The following DCDC2 variants were observed in gnomAD, a reference collection of about 807,000 sequenced individuals.
DCDC2 encodes doublecortin domain-containing protein 2.
Under a neutral mutation model 50.2 loss-of-function variants are expected in DCDC2, and 40 were observed. That is an observed-to-expected ratio of 0.80 (90% CI 0.62 to 1.04). The LOEUF is 1.04. DCDC2 is among the 50% of genes least tolerant of loss of function. The pLI is 0.00. For synonymous variants in DCDC2, 234 were observed against 210.6 expected (o/e 1.11, Z -0.96); for missense variants, 570 against 581.9 (o/e 0.98, Z 0.21).
intron 2 of DCDC2, among the ~76,000 whole-genome samples, chr6:24,331,665 A>G (rs746555788): frequency 4.6e-5 from 7 of 152,170 alleles, no homozygotes; most frequent in Non-Finnish European, 8.8e-5. Context: ...ATAATTATAT[A>G]AAGTAACTTC....
At chr6:24,278,463 T>C (rs1763407512) in intron 6 of DCDC2, among the ~76,000 whole-genome samples, 1 of 152,218 alleles carries the variant, frequency 6.6e-6, no homozygotes. Flanking sequence ...AGGTATTCTA[T>C]AAAATTGTAT....
intron 2 of DCDC2, among the ~76,000 whole-genome samples, chr6:24,310,204 C>T (rs752502468): frequency 2.6e-5 from 4 of 152,016 alleles, no homozygotes; most frequent in Non-Finnish European, 5.9e-5. Flanking sequence ...CATTATATCC[C>T]ATATAATATC....
chr6:24,198,455 G>A (rs1761497691), intron 8 of DCDC2, among the ~76,000 whole-genome samples: 1 of 152,204 alleles, frequency 6.6e-6, no homozygotes. Flanking sequence ...TGTGTCACGA[G>A]GAATGGTGCA....
intron 6 of DCDC2, among the ~76,000 whole-genome samples, chr6:24,280,027 T>C (rs1763437596): frequency 6.6e-6 from 1 of 152,242 alleles, no homozygotes; most frequent in East Asian, 1.9e-4. Flanking sequence ...ATCTGTACTA[T>C]GCTTGTGTCT....
At chr6:24,208,158 C>T (rs1038159946) in intron 7 of DCDC2, among the ~76,000 whole-genome samples, 22 of 152,106 alleles carry the variant, frequency 1.4e-4, no homozygotes, top group South Asian at 1.2e-3. Flanking sequence ...CTGCAGGTCA[C>T]GGACCCGCTA....
intron 7 of DCDC2, among the ~76,000 whole-genome samples, chr6:24,216,214 G>A (rs1370906491): frequency 1.3e-5 from 2 of 152,088 alleles, no homozygotes; most frequent in Non-Finnish European, 2.9e-5. Flanking sequence ...ATGGGTTTCA[G>A]AACTTGGGGT....
the DCDC2 span, among the ~76,000 whole-genome samples, chr6:24,380,774 C>T: frequency 1.3e-5 from 2 of 152,160 alleles, no homozygotes; most frequent in Non-Finnish European, 2.9e-5. Flanking sequence ...ATTTTTGCCT[C>T]AGCTTTATTA....
intron 2 of DCDC2, among the ~76,000 whole-genome samples, chr6:24,330,013 T>C (rs758327690): frequency 3.9e-5 from 6 of 152,150 alleles, no homozygotes; most frequent in Non-Finnish European, 8.8e-5. Flanking sequence ...AGAATGATAC[T>C]CCATCCAGTG....
chr6:24,305,982 T>G (rs1273476264), intron 2 of DCDC2, among the ~76,000 whole-genome samples: 3 of 151,732 alleles, frequency 2.0e-5, no homozygotes, highest in African/African-American at 7.3e-5. Context: ...GAGCCAAGAT[T>G]GCACCACTGC....
chr6:24,378,769 C>T, the DCDC2 span, among the ~76,000 whole-genome samples: 1 of 152,044 alleles, frequency 6.6e-6, no homozygotes, highest in Non-Finnish European at 1.5e-5. Flanking sequence ...TCTAATTCCT[C>T]CCACTGAGGC....
At chr6:24,248,038 T>G (rs1762721838) in intron 7 of DCDC2, among the ~76,000 whole-genome samples, 1 of 152,184 alleles carries the variant, frequency 6.6e-6, no homozygotes. Flanking sequence ...ATTGCACCAT[T>G]GCACTCCAGC....
intron 2 of DCDC2, among the ~76,000 whole-genome samples, chr6:24,304,373 C>T (rs773186451): frequency 2.0e-5 from 3 of 152,134 alleles, no homozygotes; most frequent in Non-Finnish European, 4.4e-5. Flanking sequence ...GTTCCAGCTA[C>T]TCAGGAGGCT....
At chr6:24,361,838 G>A (rs181397348), upstream of DCDC2, among the ~76,000 whole-genome samples, 34 of 152,236 alleles carry the variant, frequency 2.2e-4, no homozygotes, top group Admixed American at 1.8e-3. Flanking sequence ...CTCCCACTGC[G>A]GTATCTCCAA....
chr6:24,358,879 T>TTATATATATATTTATATATAATATATTA (rs376083733), upstream of DCDC2, among the ~76,000 whole-genome samples: 2 of 52,700 alleles, frequency 3.8e-5, no homozygotes, highest in African/African-American at 1.7e-4. Context: ...TATATATGTA[T>TTATATATATATTTATATATAATATATTA]TATATATATT....
intron 7 of DCDC2, among the ~76,000 whole-genome samples, chr6:24,239,301 C>T (rs935867954): frequency 6.6e-6 from 1 of 152,166 alleles, no homozygotes; most frequent in African/African-American, 2.4e-5. Context: ...GGATACCGTC[C>T]TTCTCCTGCT....
chr6:24,302,067 AT>A, intron 2 of DCDC2, 23 bp from the exon 3 acceptor site: 1 of 1,594,156 alleles, frequency 6.3e-7, no homozygotes, highest in Non-Finnish European at 8.5e-7. Flanking sequence ...AGGAAAAAAA[AT>A]ATAAACCACT....
chr6:24,343,806 A>ACTC (rs1760205076), intron 2 of DCDC2, among the ~76,000 whole-genome samples: 1 of 152,232 alleles, frequency 6.6e-6, no homozygotes, highest in Non-Finnish European at 1.5e-5. Context: ...TGTATTGAGA[A>ACTC]TAGTTTGATA....
At position 24,178,327 on chromosome 6, in the gene DCDC2, T is replaced by C. The variant is rs1215269700; in HGVS notation, c.1326+3A>G. The C allele has an allele frequency of 7.4e-6, 12 of 1,611,422 alleles. No homozygotes were observed. The highest frequency in any genetic ancestry group is 1.0e-5 in the Non-Finnish European group (12 of 1,178,370). ...CATAAGCAAGCAAAAGCAATAGAAA[T>C]ACCTCATCTTGTCCACTGCCAGCTC... On this transcript the variant is annotated splice_donor_region_variant and intron_variant, in intron 9 of 9. Transcript: ENST00000378454.
intron 2 of DCDC2, among the ~76,000 whole-genome samples, chr6:24,307,568 A>C (rs1665785098): frequency 6.6e-6 from 1 of 152,224 alleles, no homozygotes; most frequent in South Asian, 2.1e-4. Flanking sequence ...ACTACTTAGC[A>C]AACAGCACAC....
Sources: allele counts gnomAD v4.1 joint callset (sites outside exome capture counted in the v4.1 genomes callset), GRCh38; gene constraint gnomAD v4.1.1; transcripts MANE v1.5; gene names NCBI Gene and HGNC (gene_info 2026-07-23, HGNC 2026-07-21).